The following MARCHF4 variants were observed in gnomAD, a reference collection of about 807,000 sequenced individuals.
MARCHF4 encodes the protein membrane associated ring-CH-type finger 4, also known as E3 ubiquitin-protein ligase MARCHF4.
Under a neutral mutation model 43.9 loss-of-function variants are expected in MARCHF4, and 14 were observed. The ratio of observed to expected loss-of-function variants is 0.32; its 90% CI spans 0.21 to 0.50. The LOEUF is 0.50. Among genes scored for constraint, MARCHF4 ranks in the 20% least tolerant of loss-of-function variants. The probability of loss-of-function intolerance (pLI) is 0.98; values close to 1 mark genes in which losing one functional copy is unlikely to be tolerated. For missense variants in MARCHF4, 468 were observed against 536.7 expected, an observed-to-expected ratio of 0.87 and a Z score of 1.27; for synonymous variants, 226 against 213.3, an observed-to-expected ratio of 1.06 and a Z score of -0.52.
At chr2:216,288,649 G>A (rs1691257631) in intron 1 of MARCHF4, among the ~76,000 whole-genome samples, 2 of 152,050 alleles carry the variant, frequency 1.3e-5, no homozygotes, top group Admixed American at 1.3e-4. Context: ...AAGAGTGCAG[G>A]CCTCTTGCAT....
intron 1 of MARCHF4, among the ~76,000 whole-genome samples, chr2:216,301,536 G>A (rs1267337880): frequency 6.6e-6 from 1 of 152,232 alleles, no homozygotes. Flanking sequence ...CAATGGCACA[G>A]CATTCCTGTA....
At chr2:216,271,145 C>T (rs1690928530) in intron 3 of MARCHF4, among the ~76,000 whole-genome samples, 1 of 152,214 alleles carries the variant, frequency 6.6e-6, no homozygotes, top group Non-Finnish European at 1.5e-5. Flanking sequence ...AGCATATGAC[C>T]CATGACTCTG....
chr2:216,275,007 C>T (rs1045830680), intron 3 of MARCHF4, among the ~76,000 whole-genome samples: 3 of 152,160 alleles, frequency 2.0e-5, no homozygotes, highest in South Asian at 4.1e-4. Flanking sequence ...CTCTCCCATC[C>T]CATAGCTGTC....
chr2:216,298,299 C>G (rs1453523796), intron 1 of MARCHF4, among the ~76,000 whole-genome samples: 4 of 103,232 alleles, frequency 3.9e-5, no homozygotes, highest in Non-Finnish European at 5.2e-5. Flanking sequence ...GGGTCTGACT[C>G]TGTTGTCCAG....
chr2:216,327,541 C>T (rs1008128333), intron 1 of MARCHF4, among the ~76,000 whole-genome samples: 4 of 152,084 alleles, frequency 2.6e-5, no homozygotes, highest in Admixed American at 2.0e-4. Flanking sequence ...TTTTAGATCT[C>T]CAGGGAAAGC....
intron 1 of MARCHF4, among the ~76,000 whole-genome samples, chr2:216,368,701 G>A (rs1419332444): frequency 6.6e-6 from 1 of 152,226 alleles, no homozygotes. Context: ...GGAAACTATT[G>A]AAGAAGTGGC....
At chr2:216,329,137 T>C (rs1476168516) in intron 1 of MARCHF4, among the ~76,000 whole-genome samples, 1 of 152,088 alleles carries the variant, frequency 6.6e-6, no homozygotes, top group Admixed American at 6.5e-5. Context: ...TCCCAGCACT[T>C]TGGGAGGCCA....
chr2:216,342,378 C>G (rs902720525), intron 1 of MARCHF4, among the ~76,000 whole-genome samples: 2 of 152,202 alleles, frequency 1.3e-5, no homozygotes, highest in African/African-American at 4.8e-5. Context: ...GAGAAGGCAG[C>G]TGGTTGAACC....
rs73988329 is a variant in MARCHF4, at chr2:216,270,431, C to A, written c.865+7241G>T. ...CCGCCCCAACCCCATCAGTCACCAA[C>A]CCTTGTCAGAACAGGACCAATGCCC... On this transcript the variant is annotated intron_variant, in intron 3 of 3. Transcript: ENST00000273067. Among the ~76,000 whole-genome samples, 711 of 152,180 alleles carry A rather than the reference C, an allele frequency of 4.7e-3. 7 individuals are homozygous for A. Among genetic ancestry groups the A allele is most frequent in the African/African-American group, 0.016 (670 of 41,524 alleles).
chr2:216,350,666 A>G (rs1165944285), intron 1 of MARCHF4, among the ~76,000 whole-genome samples: 1 of 152,092 alleles, frequency 6.6e-6, no homozygotes, highest in Non-Finnish European at 1.5e-5. Context: ...CACCAGCTAG[A>G]GGTTCTGTTG....
chr2:216,308,690 C>T (rs1474104200), intron 1 of MARCHF4, among the ~76,000 whole-genome samples: 1 of 152,202 alleles, frequency 6.6e-6, no homozygotes, highest in Non-Finnish European at 1.5e-5. Context: ...AGAAAGACAT[C>T]TTGCAAACTG....
At chr2:216,360,862 T>C (rs1692566384) in intron 1 of MARCHF4, among the ~76,000 whole-genome samples, 1 of 152,142 alleles carries the variant, frequency 6.6e-6, no homozygotes. Flanking sequence ...AGTCTTACTA[T>C]GTTGCCCAGG....
intron 1 of MARCHF4, among the ~76,000 whole-genome samples, chr2:216,365,410 G>A (rs1692649382): frequency 6.6e-6 from 1 of 152,186 alleles, no homozygotes; most frequent in Non-Finnish European, 1.5e-5. Flanking sequence ...TGCCATGGTG[G>A]ATTTCATCTT....
intron 1 of MARCHF4, among the ~76,000 whole-genome samples, chr2:216,306,895 G>T (rs1691595687): frequency 6.6e-6 from 1 of 151,770 alleles, no homozygotes; most frequent in Admixed American, 6.6e-5. Flanking sequence ...TCATTCATAA[G>T]TATACTGTGT....
At chr2:216,342,814 C>A (rs994920620) in intron 1 of MARCHF4, among the ~76,000 whole-genome samples, 4 of 152,188 alleles carry the variant, frequency 2.6e-5, no homozygotes, top group Non-Finnish European at 5.9e-5. Context: ...TCCAGGATGC[C>A]TGCTGCTCCT....
intron 1 of MARCHF4, among the ~76,000 whole-genome samples, chr2:216,304,306 A>G (rs1367247138): frequency 6.6e-6 from 1 of 152,168 alleles, no homozygotes; most frequent in African/African-American, 2.4e-5. Flanking sequence ...GTAGCTATAA[A>G]TCATCTTTCT....
intron 1 of MARCHF4, among the ~76,000 whole-genome samples, chr2:216,321,096 G>A (rs756636741): frequency 2.0e-5 from 3 of 152,030 alleles, no homozygotes; most frequent in South Asian, 4.2e-4. Flanking sequence ...ACTTTGGAGC[G>A]AGACAAGAAG....
intron 3 of MARCHF4, among the ~76,000 whole-genome samples, chr2:216,261,406 C>T (rs1249754205): frequency 6.6e-6 from 1 of 152,212 alleles, no homozygotes; most frequent in Non-Finnish European, 1.5e-5. Context: ...ATCTCCCTCT[C>T]CTTCTTGTAA....
At chr2:216,323,823 A>G (rs1353985174) in intron 1 of MARCHF4, among the ~76,000 whole-genome samples, 1 of 152,182 alleles carries the variant, frequency 6.6e-6, no homozygotes, top group Non-Finnish European at 1.5e-5. Context: ...AGTGTGTAGA[A>G]GGAAATTTAT....
Sources: gnomAD v4.1 joint callset for allele counts (sites outside exome capture counted in the v4.1 genomes callset) on GRCh38, gnomAD v4.1.1 for gene constraint, MANE v1.5 for transcripts, NCBI Gene and HGNC (gene_info 2026-07-23, HGNC 2026-07-21) for gene names.